The following CDH4 variants were observed in gnomAD, a reference collection of about 807,000 sequenced individuals.
CDH4 encodes cadherin 4.
A neutral mutation model predicts 86.0 loss-of-function variants in CDH4; 33 were observed. The observed-to-expected ratio is 0.38, with a 90% CI of 0.29 to 0.51. The LOEUF (loss-of-function observed/expected upper bound fraction) is 0.51. CDH4 is among the 20% of genes least tolerant of loss of function. The pLI, the probability that CDH4 is intolerant of heterozygous loss-of-function variation, is 0.86. For missense variants in CDH4, 1,114 were observed against 1,307.4 expected (o/e 0.85, Z 2.28); for synonymous variants, 555 against 549.4 (o/e 1.01, Z -0.14).
chr20:61,382,984 A>G (rs1261437755), intron 2 of CDH4, among the ~76,000 whole-genome samples: 1 of 150,090 alleles, frequency 6.7e-6, no homozygotes, highest in Non-Finnish European at 1.5e-5. Context: ...GACAAAAAAA[A>G]CCAATCACTG....
rs182573594 is a variant in CDH4, at chr20:61,491,835, G to C, written c.169+236898G>C. Among the ~76,000 whole-genome samples, 451 of 152,224 alleles carry C rather than the reference G, an allele frequency of 3.0e-3. 2 individuals carry two copies. The highest frequency in any genetic ancestry group is 0.01 in the African/African-American group (428 of 41,538). On this transcript the variant is annotated intron_variant, in intron 2 of 15. Transcript: ENST00000614565. ...TGCCATTGTTGGTGGCGGTGGTGCT[G>C]ATGCTGGTAGTGTTGATGTTGGTGG... is the stretch of plus-strand genomic sequence containing the variant.
intron 12 of CDH4, 39 bp downstream of exon 12, chr20:61,928,462 C>G (rs748566355): frequency 1.3e-6 from 2 of 1,580,406 alleles, no homozygotes; most frequent in South Asian, 2.2e-5. Context: ...TCAGACTAGC[C>G]TGGGGTGCAG....
chr20:61,554,723 G>A (rs2086161054), intron 2 of CDH4, among the ~76,000 whole-genome samples: 1 of 152,272 alleles, frequency 6.6e-6, no homozygotes, highest in Non-Finnish European at 1.5e-5. Context: ...GTGTTCCTGT[G>A]TGTACACACA....
Position 61,252,848 on chromosome 20 carries a change from C to G in CDH4, c.57+278C>G, listed in dbSNP as rs1287815596. Among the ~76,000 whole-genome samples, 1 of 151,824 alleles carries G rather than the reference C, an allele frequency of 6.6e-6. No individual in the cohort carries two copies. The highest frequency in any genetic ancestry group is 2.4e-5 in the African/African-American group (1 of 41,406). On this transcript the variant is annotated intron_variant, in intron 1 of 15. Transcript: ENST00000614565. The surrounding 1 kb of genome is among the most constrained non-coding windows in gnomAD (Gnocchi z 4.4). ...CCTGCACCGGACCCGCCGAGCCTCC[C>G]TCGAACGCCCAAAGCCCGTAGCCGC...
chr20:61,735,868 G>A (rs1156350971), intron 2 of CDH4, among the ~76,000 whole-genome samples: 1 of 152,302 alleles, frequency 6.6e-6, no homozygotes, highest in East Asian at 1.9e-4. Flanking sequence ...CTCGGGGGCT[G>A]TGATCCTCTT....
intron 2 of CDH4, among the ~76,000 whole-genome samples, chr20:61,532,972 A>G (rs1456456263): frequency 1.3e-5 from 2 of 152,064 alleles, no homozygotes; most frequent in African/African-American, 4.8e-5. Context: ...TCTCAGGCTC[A>G]GTTTCACTCC....
chr20:61,482,280 T>C (rs2085572322), intron 2 of CDH4, among the ~76,000 whole-genome samples: 1 of 152,242 alleles, frequency 6.6e-6, no homozygotes, highest in Non-Finnish European at 1.5e-5. Flanking sequence ...TCAAGATGTT[T>C]GTACGTGTCT....
chr20:61,293,340 C>T (rs548701572), intron 2 of CDH4, among the ~76,000 whole-genome samples: 1 of 152,260 alleles, frequency 6.6e-6, no homozygotes, highest in East Asian at 1.9e-4. Context: ...CAGGGAGGTG[C>T]AGAGTGAGGG....
chr20:61,485,425 A>G (rs751759469), intron 2 of CDH4, among the ~76,000 whole-genome samples: 11 of 152,214 alleles, frequency 7.2e-5, no homozygotes, highest in Non-Finnish European at 1.3e-4. Flanking sequence ...TCCTCTGTGG[A>G]TCCAAGCATG....
intron 2 of CDH4, among the ~76,000 whole-genome samples, chr20:61,416,741 C>A (rs541355280): frequency 1.3e-5 from 2 of 152,232 alleles, no homozygotes; most frequent in Non-Finnish European, 2.9e-5. Flanking sequence ...CGCCCCTTGA[C>A]GCCCTGTGGA....
intron 8 of CDH4, among the ~76,000 whole-genome samples, chr20:61,904,790 G>A (rs1176040605): frequency 1.3e-5 from 2 of 152,232 alleles, no homozygotes; most frequent in Non-Finnish European, 2.9e-5. Flanking sequence ...CAGGACCACC[G>A]TGGCCCCAGC....
intron 2 of CDH4, among the ~76,000 whole-genome samples, chr20:61,626,789 A>G (rs2086833568): frequency 6.6e-6 from 1 of 152,234 alleles, no homozygotes. Context: ...GAAGGCAGCC[A>G]TTGTAACTCA....
intron 2 of CDH4, among the ~76,000 whole-genome samples, chr20:61,357,840 C>T (rs940369987): frequency 6.6e-6 from 1 of 152,214 alleles, no homozygotes; most frequent in African/African-American, 2.4e-5. Context: ...GATCTCTGGC[C>T]TTGACTCTAT....
intron 5 of CDH4, among the ~76,000 whole-genome samples, chr20:61,846,927 G>T (rs536124333): frequency 8.6e-4 from 131 of 152,304 alleles, no homozygotes; most frequent in African/African-American, 3.1e-3. Context: ...GCCTGTGGGT[G>T]CTGGCCGGGG....
intron 2 of CDH4, among the ~76,000 whole-genome samples, chr20:61,429,882 AT>A (rs2085236563): frequency 6.6e-6 from 1 of 152,234 alleles, no homozygotes; most frequent in South Asian, 2.1e-4. Flanking sequence ...AAAGCGCTAC[AT>A]CTGTAGCCTT....
In CDH4 at chr20:61,403,697, T is replaced by C. The variant is rs150121816; in HGVS notation, c.169+148760T>C. On this transcript the variant is annotated intron_variant, in intron 2 of 15. Transcript: ENST00000614565. ...TGCAGGGCTGTGCTCACCTCTTGTGTTCTTGGGTCTGTACTTCCCCTCAGG... is the reference window on the plus strand; with the variant it reads ...TGCAGGGCTGTGCTCACCTCTTGTGCTCTTGGGTCTGTACTTCCCCTCAGG... 9.0e-3 allele frequency among the ~76,000 whole-genome samples: 1,365 copies of C among 152,300 alleles called. 14 individuals are homozygous for C. The highest frequency in any genetic ancestry group is 0.011 in the Non-Finnish European group (759 of 68,022).
At chr20:61,343,406 C>A (rs988766321) in intron 2 of CDH4, among the ~76,000 whole-genome samples, 4 of 152,230 alleles carry the variant, frequency 2.6e-5, no homozygotes, top group African/African-American at 7.2e-5. Context: ...CAATATTTAA[C>A]TAGAATTCTT....
At chr20:61,761,922 C>T (rs926063310) in intron 3 of CDH4, among the ~76,000 whole-genome samples, 9 of 152,128 alleles carry the variant, frequency 5.9e-5, no homozygotes, top group East Asian at 1.9e-4. Context: ...CAGGCAGCTC[C>T]GCACAGCAGG....
At chr20:61,509,136 C>T (rs76836358) in intron 2 of CDH4, among the ~76,000 whole-genome samples, 4,657 of 152,238 alleles carry the variant, frequency 0.031, 115 homozygotes, top group Non-Finnish European at 0.047. Flanking sequence ...AAGGCCGTGG[C>T]ATCCTGCAGC....
Sources: allele counts gnomAD v4.1 joint callset (sites outside exome capture counted in the v4.1 genomes callset), GRCh38; gene constraint gnomAD v4.1.1; non-coding constraint Gnocchi (gnomAD v3.1); transcripts MANE v1.5; gene names NCBI Gene and HGNC (gene_info 2026-07-23, HGNC 2026-07-21).